NEK3: variants seen among roughly 807,000 people sequenced by gnomAD.
NEK3 encodes serine/threonine-protein kinase Nek3.
Under a neutral mutation model 66.0 loss-of-function variants are expected in NEK3, and 54 were observed. The ratio of observed to expected loss-of-function variants is 0.82; its 90% CI spans 0.66 to 1.03. The LOEUF (loss-of-function observed/expected upper bound fraction) is 1.03. Ranked by LOEUF, NEK3 falls within the 50% of genes least tolerant of loss-of-function variation. The pLI, the probability that NEK3 is intolerant of heterozygous loss-of-function variation, is 0.00. For missense variants in NEK3, 593 were observed against 603.0 expected, an observed-to-expected ratio of 0.98 and a Z score of 0.17; for synonymous variants, 200 against 206.2, an observed-to-expected ratio of 0.97 and a Z score of 0.26.
chr13:52,140,049 CAA>C (rs34051162), intron 11 of NEK3, among the ~76,000 whole-genome samples: 4 of 86,634 alleles, frequency 4.6e-5, no homozygotes, highest in Admixed American at 1.4e-4. Context: ...AAAAAAATGC[CAA>C]AAAAAAAAAA....
chr13:52,144,392 G>A (rs1343048248), intron 9 of NEK3, among the ~76,000 whole-genome samples: 2 of 152,086 alleles, frequency 1.3e-5, no homozygotes, highest in Non-Finnish European at 2.9e-5. Context: ...CTCCAGCCTG[G>A]GCGACAGAGC....
intron 11 of NEK3, 24 bp from the exon 12 acceptor site, chr13:52,136,926 G>A (rs1956211165): frequency 1.4e-6 from 2 of 1,429,094 alleles, no homozygotes; most frequent in African/African-American, 1.4e-5. Context: ...TAACAATACA[G>A]ATTAAATAAT....
intron 7 of NEK3, among the ~76,000 whole-genome samples, chr13:52,150,827 A>C (rs1471207601): frequency 6.6e-6 from 1 of 152,068 alleles, no homozygotes; most frequent in Non-Finnish European, 1.5e-5. Flanking sequence ...GGGATTTGGG[A>C]TTTTTATAAG....
chr13:52,146,072 T>C (rs1956293762), intron 8 of NEK3, among the ~76,000 whole-genome samples: 1 of 152,220 alleles, frequency 6.6e-6, no homozygotes, highest in Admixed American at 6.5e-5. Context: ...AAATTTAGTA[T>C]AGTCAAATTT....
chr13:52,152,631 A>G lies in NEK3; in HGVS notation c.371T>C (p.Leu124Pro). ...CACCTTGGACTTGATATCTCTGTGTAGCACACGTTTCTTGTGAATGTGATT... is the reference window on the plus strand; with the variant it reads ...CACCTTGGACTTGATATCTCTGTGTGGCACACGTTTCTTGTGAATGTGATT... ...GVNHIHKKRV[L>P]HRDIKSKNIF... is the part of the protein sequence containing the mutation. The change falls in exon 5 of 16, where the codon CTA (leucine) becomes CCA (proline). Residue 124 changes from leucine to proline, a missense_variant. Transcript: ENST00000610828. 6.2e-7 allele frequency: 1 copy of G among 1,610,558 alleles called. No individual in the cohort carries two copies. Among genetic ancestry groups the G allele is most frequent in the African/African-American group, 1.3e-5 (1 of 74,756 alleles).
intron 10 of NEK3, among the ~76,000 whole-genome samples, chr13:52,143,066 C>T (rs1446243221): frequency 6.6e-6 from 1 of 152,148 alleles, no homozygotes; most frequent in Non-Finnish European, 1.5e-5. Context: ...CAGATCCACC[C>T]AGCACTTTGG....
intron 10 of NEK3, among the ~76,000 whole-genome samples, chr13:52,142,159 C>T (rs2138196557): frequency 6.6e-6 from 1 of 152,106 alleles, no homozygotes; most frequent in East Asian, 1.9e-4. Context: ...ATTTTTTTGT[C>T]TCTTTTTTTC....
At position 52,148,434 on chromosome 13, in the gene NEK3, A is replaced by C. The variant is rs772382204; in HGVS notation, c.584T>G (p.Leu195Arg). The change falls in exon 8 of 16, where the codon CTC (leucine) becomes CGC (arginine). Residue 195 changes from leucine (L) to arginine (R), a missense_variant. Coordinates refer to ENST00000610828, the MANE Select transcript of NEK3 (RefSeq NM_002498.3). Reference sequence around the variant, plus strand: ...ACTTACTGGATGCTTAAGGGTACAGAGTTCATACAGGATGCAACCCAAGGA... The same window carrying C: ...ACTTACTGGATGCTTAAGGGTACAGCGTTCATACAGGATGCAACCCAAGGA... ...IWSLGCILYE[L>R]CTLKHPFQAN... 6.8e-6 allele frequency: 11 copies of C among 1,613,478 alleles called. No individual in the cohort carries two copies. Among genetic ancestry groups the C allele is most frequent in the Non-Finnish European group, 9.3e-6 (11 of 1,179,646 alleles).
intron 5 of NEK3, among the ~76,000 whole-genome samples, chr13:52,151,854 C>G (rs191290250): frequency 6.6e-6 from 1 of 152,276 alleles, no homozygotes; most frequent in Non-Finnish European, 1.5e-5. Flanking sequence ...TTTTACTGTA[C>G]GTTTTCTATG....
intron 14 of NEK3, among the ~76,000 whole-genome samples, chr13:52,134,788 C>T (rs1339736248): frequency 6.6e-6 from 1 of 152,200 alleles, no homozygotes; most frequent in Non-Finnish European, 1.5e-5. Flanking sequence ...TTAGCCTCTC[C>T]TTAGGGCTTC....
Position 52,153,916 on chromosome 13 carries a change from T to C in NEK3, c.288A>G (p.Gly96=). ...TTACCATGTCTTCAGGAAATAACTT[T>C]CCTTTCTGCTGTTTAATCTTTTGCA... is the stretch of plus-strand genomic sequence containing the variant. ...DLMQKIKQQK[G]KLFPEDMILN... Residue 96 remains glycine, a synonymous_variant, in exon 4 of 16, where the codon GGA becomes GGG. Transcript: ENST00000610828. 6.2e-7 allele frequency: 1 copy of C among 1,611,716 alleles called. No individual in the cohort carries two copies. The highest frequency in any genetic ancestry group is 8.5e-7 in the Non-Finnish European group (1 of 1,178,146).
At chr13:52,134,051 G>A (rs1055994935) in intron 14 of NEK3, among the ~76,000 whole-genome samples, 3 of 151,368 alleles carry the variant, frequency 2.0e-5, no homozygotes, top group African/African-American at 7.3e-5. Flanking sequence ...TTTTTTTTGA[G>A]TCAGGGTCTC....
chr13:52,135,964 TTAAC>T (rs1197206052), intron 13 of NEK3, 101 bp from the exon 14 acceptor site: 98 of 1,500,632 alleles, frequency 6.5e-5, no homozygotes, highest in Non-Finnish European at 8.6e-5. Flanking sequence ...TATTTGACTG[TTAAC>T]TAAAATCTGC....
intron 11 of NEK3, among the ~76,000 whole-genome samples, chr13:52,138,352 G>T (rs1387087029): frequency 6.6e-6 from 1 of 152,162 alleles, no homozygotes; most frequent in Non-Finnish European, 1.5e-5. Flanking sequence ...TGTGGCAGGG[G>T]TTATATGGAT....
At chr13:52,143,864 G>T in intron 10 of NEK3, 51 bp downstream of exon 10, 1 of 877,240 alleles carries the variant, frequency 1.1e-6, no homozygotes, top group Non-Finnish European at 1.8e-6. Context: ...TTCTGTTACA[G>T]TATATTTTTA....
chr13:52,153,281 A>T (rs1315877525), intron 4 of NEK3, among the ~76,000 whole-genome samples: 2 of 152,094 alleles, frequency 1.3e-5, no homozygotes. Context: ...CTTCTACGGA[A>T]CCCACATTTT....
At chr13:52,158,229 T>C (rs1021972060) in intron 1 of NEK3, among the ~76,000 whole-genome samples, 1 of 152,198 alleles carries the variant, frequency 6.6e-6, no homozygotes, top group Non-Finnish European at 1.5e-5. Context: ...AGAGAGAGCA[T>C]GACAGGCAAA....
chr13:52,150,391 T>C (rs994458761), intron 7 of NEK3, among the ~76,000 whole-genome samples: 1 of 152,134 alleles, frequency 6.6e-6, no homozygotes, highest in African/African-American at 2.4e-5. Flanking sequence ...TTTAAGTATG[T>C]GGGGAAATGA....
rs1956258234 is a variant in NEK3 at position 52,142,304 on chromosome 13, T to G, written c.878-1235A>C. 2.0e-5 allele frequency among the ~76,000 whole-genome samples: 3 copies of G among 148,674 alleles called. No homozygotes were observed. In the Admixed American group the frequency reaches 2.0e-4, roughly 10 times the overall value. The stretch of plus-strand genomic sequence containing the variant: ...CTTTTTTTTTTTTTTGGAGACGGAG[T>G]CTCGCTCTGTTGCCCAGGCTGGAGT... On this transcript the variant is annotated intron_variant, in intron 10 of 15. Coordinates refer to ENST00000610828, the MANE Select transcript of NEK3 (RefSeq NM_002498.3).
Sources: gnomAD v4.1 joint callset for allele counts (sites outside exome capture counted in the v4.1 genomes callset) on GRCh38, gnomAD v4.1.1 for gene constraint, MANE v1.5 for transcripts, NCBI Gene and HGNC (gene_info 2026-07-23, HGNC 2026-07-21) for gene names.